Variants in TBCK observed in about 807,000 individuals in gnomAD.
TBCK encodes TBC domain-containing protein kinase-like protein.
A neutral mutation model predicts 113.4 loss-of-function variants in TBCK; 99 were observed. That is an observed-to-expected ratio of 0.87 (90% confidence interval 0.74 to 1.03). TBCK has a LOEUF of 1.03. Ranked by LOEUF, TBCK falls within the 50% of genes least tolerant of loss-of-function variation. The pLI is 0.00. For missense variants in TBCK, 1,045 were observed against 1,061.3 expected (o/e 0.98, Z 0.21); for synonymous variants, 369 against 370.8 (o/e 1.00, Z 0.05).
intron 25 of TBCK, among the ~76,000 whole-genome samples, chr4:106,050,302 C>A (rs530855215): frequency 1.3e-5 from 2 of 151,714 alleles, no homozygotes; most frequent in Non-Finnish European, 2.9e-5. Context: ...AGAAAAAAAA[C>A]GGTAAGATGC....
At chr4:106,285,868 T>C (rs1765060940) in intron 3 of TBCK, among the ~76,000 whole-genome samples, 1 of 152,216 alleles carries the variant, frequency 6.6e-6, no homozygotes, top group Non-Finnish European at 1.5e-5. Flanking sequence ...ATCTTCTCAC[T>C]TTCTATAAAC....
At chr4:106,071,287 G>T (rs1445749859) in intron 25 of TBCK, among the ~76,000 whole-genome samples, 1 of 152,052 alleles carries the variant, frequency 6.6e-6, no homozygotes, top group Non-Finnish European at 1.5e-5. Flanking sequence ...CAGAGGTTTT[G>T]GTATGTTGCG....
intron 2 of TBCK, 85 bp from the exon 3 acceptor site, chr4:106,295,251 A>G: frequency 9.1e-7 from 1 of 1,102,950 alleles, no homozygotes; most frequent in South Asian, 1.6e-5. Flanking sequence ...GATGATATTA[A>G]TATATAACAC....
intron 25 of TBCK, among the ~76,000 whole-genome samples, chr4:106,054,589 G>T (rs1735180960): frequency 6.6e-6 from 1 of 151,608 alleles, no homozygotes; most frequent in Non-Finnish European, 1.5e-5. Flanking sequence ...AATATTGTAA[G>T]TTCCATGACA....
At chr4:106,316,632 G>T (rs755163543), upstream of TBCK, 1 of 1,546,934 alleles carries the variant, frequency 6.5e-7, no homozygotes, top group South Asian at 1.2e-5. Context: ...CTCGGGGATC[G>T]CCGATTGCGA....
At chr4:106,277,101 C>T (rs1764112807) in intron 3 of TBCK, among the ~76,000 whole-genome samples, 1 of 151,986 alleles carries the variant, frequency 6.6e-6, no homozygotes. Flanking sequence ...ACTCAATATC[C>T]TTTGAATATC....
chr4:106,234,127 T>A (rs562747934), intron 15 of TBCK, among the ~76,000 whole-genome samples: 4 of 152,066 alleles, frequency 2.6e-5, no homozygotes, highest in South Asian at 2.1e-4. Context: ...ATGAAAAAAA[T>A]ATTATTATTC....
rs142958490 is a variant in TBCK at position 106,088,133 on chromosome 4, C to G, written c.2571+7349G>C. ...CTAATTAAACTGAAGAGCTCCTGCA[C>G]AGCAAAATAAACTGTCATCAGAGTG... On this transcript the variant is annotated intron_variant, in intron 25 of 25. Coordinates refer to ENST00000394708, the MANE Select transcript of TBCK (RefSeq NM_001163435.3). Among the ~76,000 whole-genome samples, 219 of 152,278 alleles carry G rather than the reference C, an allele frequency of 1.4e-3. 6 individuals are homozygous for G. The East Asian group carries it at 0.038, about 26-fold the overall frequency.
intron 22 of TBCK, among the ~76,000 whole-genome samples, chr4:106,173,687 C>A (rs1204629084): frequency 6.6e-6 from 1 of 152,054 alleles, no homozygotes; most frequent in Admixed American, 6.6e-5. Flanking sequence ...ATGGTTAGTT[C>A]TAACAGATAT....
intron 25 of TBCK, among the ~76,000 whole-genome samples, chr4:106,065,251 T>C (rs1420657713): frequency 6.6e-6 from 1 of 152,040 alleles, no homozygotes; most frequent in African/African-American, 2.4e-5. Context: ...TTTATATACT[T>C]GTTCTCTGAG....
At chr4:106,282,705 G>C (rs1202035227) in intron 3 of TBCK, among the ~76,000 whole-genome samples, 1 of 151,900 alleles carries the variant, frequency 6.6e-6, no homozygotes, top group African/African-American at 2.4e-5. Context: ...CAAATACCAA[G>C]ACTGGGTAAT....
At chr4:106,273,444 G>C (rs568882721) in intron 3 of TBCK, among the ~76,000 whole-genome samples, 3 of 152,294 alleles carry the variant, frequency 2.0e-5, no homozygotes, top group African/African-American at 7.2e-5. Context: ...TATTTTTAGA[G>C]TATGTATCTT....
At chr4:106,271,760 AAAAAAAC>A (rs1763510136) in intron 3 of TBCK, among the ~76,000 whole-genome samples, 1 of 151,922 alleles carries the variant, frequency 6.6e-6, no homozygotes, top group African/African-American at 2.4e-5. Context: ...CCAAAAAAAA[AAAAAAAC>A]AAAACAAAAA....
intron 23 of TBCK, among the ~76,000 whole-genome samples, chr4:106,120,766 G>C (rs983996202): frequency 6.6e-6 from 1 of 152,158 alleles, no homozygotes; most frequent in Non-Finnish European, 1.5e-5. Flanking sequence ...CTGTCTGTTA[G>C]AAGGAAAACT....
chr4:106,299,418 A>G (rs1214001340), intron 2 of TBCK, among the ~76,000 whole-genome samples: 2 of 152,244 alleles, frequency 1.3e-5, no homozygotes, highest in African/African-American at 2.4e-5. Context: ...TTGGATATTC[A>G]TAATTCTTCA....
At chr4:106,190,794 G>GTCGGGCACTCTGTTGCC (rs1753572131) in intron 22 of TBCK, among the ~76,000 whole-genome samples, 1 of 151,798 alleles carries the variant, frequency 6.6e-6, no homozygotes, top group Non-Finnish European at 1.5e-5. Flanking sequence ...AGGCTGGAGT[G>GTCGGGCACTCTGTTGCC]CAGAGGCGCC....
intron 25 of TBCK, among the ~76,000 whole-genome samples, chr4:106,064,540 C>T (rs2149465905): frequency 6.6e-6 from 1 of 151,834 alleles, no homozygotes; most frequent in South Asian, 2.1e-4. Context: ...TGAACTGTCT[C>T]TAATATTTTC....
chr4:106,214,449 A>C (rs1384693481), intron 19 of TBCK, among the ~76,000 whole-genome samples: 30 of 151,780 alleles, frequency 2.0e-4, no homozygotes, highest in Non-Finnish European at 3.1e-4. Context: ...CCAAAGGCAA[A>C]GAAGTTGAAA....
chr4:106,118,489 G>C (rs980660472), intron 23 of TBCK, among the ~76,000 whole-genome samples: 2 of 152,132 alleles, frequency 1.3e-5, no homozygotes, highest in Non-Finnish European at 2.9e-5. Context: ...GAAATTAAAA[G>C]TGCTTCAGAA....
Sources: allele counts gnomAD v4.1 joint callset (sites outside exome capture counted in the v4.1 genomes callset), GRCh38; gene constraint gnomAD v4.1.1; transcripts MANE v1.5; gene names NCBI Gene and HGNC (gene_info 2026-07-23, HGNC 2026-07-21).